The following SOCS4 variants were observed in gnomAD, a reference collection of about 807,000 sequenced individuals.
SOCS4 encodes the protein suppressor of cytokine signaling 4.
SOCS4 carries 20 observed loss-of-function variants against 34.1 expected under a neutral mutation model. The observed-to-expected ratio is 0.59, with a 90% CI of 0.41 to 0.85. SOCS4 has a LOEUF of 0.85. SOCS4 is among the 40% of genes least tolerant of loss of function. SOCS4 has a pLI of 0.00. For synonymous variants in SOCS4, 180 were observed against 186.4 expected (o/e 0.97, Z 0.28); for missense variants, 479 against 532.4 (o/e 0.90, Z 0.99).
At position 55,045,558 on chromosome 14, in the gene SOCS4, A is replaced by C. The variant is rs899357789; in HGVS notation, c.*1194A>C. The stretch of plus-strand genomic sequence containing the variant: ...TTGACAGCTACATGACTTACACCAT[A>C]CAGAACAGTACTGGACAAAAGGGGT... On this transcript the variant is annotated 3_prime_UTR_variant, in exon 3 of 3. Transcript: ENST00000555846. 6.0e-6 allele frequency: 1 copy of C among 166,914 alleles called. No homozygotes were observed. The highest frequency in any genetic ancestry group is 1.5e-5 in the Non-Finnish European group (1 of 68,034). The allele number at this position is 166,914 out of a possible 1,614,324, so 10.3% of individuals were successfully genotyped here.
chr14:55,047,418 A>T lies in SOCS4; in HGVS notation c.*3054A>T. The T allele has an allele frequency of 6.0e-6, 1 of 167,186 alleles. No individual in the cohort carries two copies. The allele number at this position is 167,186 out of a possible 1,614,324, so 10.4% of individuals were successfully genotyped here. A position where few individuals can be genotyped will look rare whatever the true frequency, so the allele number is the denominator to read the frequency against. On this transcript the variant is annotated 3_prime_UTR_variant, in exon 3 of 3. Transcript: ENST00000555846. ...TGAAGTATGCTGAATGGACTTTTTA[A>T]GGTTCCTTTAGCATTTTTGTATAGA...
chr14:55,040,821 A>G (rs572727023), intron 2 of SOCS4, among the ~76,000 whole-genome samples: 16 of 151,830 alleles, frequency 1.1e-4, no homozygotes, highest in East Asian at 1.9e-4. Context: ...TCAATCTACA[A>G]TTGGTTGAAT....
At position 55,043,032 on chromosome 14, in the gene SOCS4, A is replaced by G. The variant is rs769448050; in HGVS notation, c.-10A>G. Reference sequence around the variant, plus strand: ...TATTTATAACATTAGAATCTGGATAATTTGTTAACATGGCAGAAAATAATG... The same window carrying G: ...TATTTATAACATTAGAATCTGGATAGTTTGTTAACATGGCAGAAAATAATG... On this transcript the variant is annotated 5_prime_UTR_variant, in exon 3 of 3. Coordinates refer to ENST00000555846, the MANE Select transcript of SOCS4 (RefSeq NM_199421.2). 3.1e-6 allele frequency: 5 copies of G among 1,592,446 alleles called. No homozygotes were observed. Among genetic ancestry groups the G allele is most frequent in the South Asian group, 1.1e-5 (1 of 88,622 alleles).
intron 2 of SOCS4, among the ~76,000 whole-genome samples, chr14:55,038,434 T>G (rs2042591300): frequency 6.6e-6 from 1 of 152,172 alleles, no homozygotes; most frequent in Non-Finnish European, 1.5e-5. Flanking sequence ...TTCTAGCTTT[T>G]TATTGGAGGA....
At chr14:55,037,117 C>T (rs2042578807) in intron 2 of SOCS4, among the ~76,000 whole-genome samples, 1 of 146,978 alleles carries the variant, frequency 6.8e-6, no homozygotes, top group South Asian at 2.2e-4. Context: ...GACCCTTTCT[C>T]AATAAAAAAA....
intron 2 of SOCS4, among the ~76,000 whole-genome samples, chr14:55,039,295 T>C (rs2042597658): frequency 6.6e-6 from 1 of 152,032 alleles, no homozygotes; most frequent in Non-Finnish European, 1.5e-5. Context: ...AAAATTAGTC[T>C]GGCATGGTGG....
At chr14:55,036,797 A>G (rs2042575948) in intron 2 of SOCS4, among the ~76,000 whole-genome samples, 1 of 152,096 alleles carries the variant, frequency 6.6e-6, no homozygotes, top group Non-Finnish European at 1.5e-5. Context: ...GTTCCTAAGC[A>G]TACCCACGAA....
intron 2 of SOCS4, among the ~76,000 whole-genome samples, chr14:55,034,066 G>A (rs1458208322): frequency 6.6e-6 from 1 of 152,148 alleles, no homozygotes; most frequent in African/African-American, 2.4e-5. Context: ...CCTGGGAGGT[G>A]GAGGTGCAGT....
chr14:55,041,827 T>C (rs2042622170), intron 2 of SOCS4, among the ~76,000 whole-genome samples: 1 of 138,604 alleles, frequency 7.2e-6, no homozygotes, highest in Non-Finnish European at 1.5e-5. Context: ...AGTCTCGCTC[T>C]GTCCCCCAGG....
intron 2 of SOCS4, among the ~76,000 whole-genome samples, chr14:55,033,964 T>C (rs1250877940): frequency 1.3e-5 from 2 of 152,174 alleles, no homozygotes; most frequent in Non-Finnish European, 2.9e-5. Flanking sequence ...TGAAACCCTG[T>C]CTCTACTAAA....
In SOCS4 at chr14:55,043,804, A is replaced by G. The variant is rs760383721; in HGVS notation, c.763A>G (p.Ile255Val). ...ACCCAAATGGGATTTGGATGATGAAATCCTGCAGTTGGAAACACCTCCTAA... is the reference window on the plus strand; with the variant it reads ...ACCCAAATGGGATTTGGATGATGAAGTCCTGCAGTTGGAAACACCTCCTAA... Reference protein sequence around the residue: ...NKPKWDLDDEILQLETPPKYH... With the variant: ...NKPKWDLDDEVLQLETPPKYH... The change falls in exon 3 of 3, where the codon ATC becomes GTC. Residue 255 changes from isoleucine (I) to valine (V), a missense_variant. Coordinates refer to ENST00000555846, the MANE Select transcript of SOCS4 (RefSeq NM_199421.2). The G allele has an allele frequency of 6.2e-7, 1 of 1,614,126 alleles. No homozygotes were observed. Among genetic ancestry groups the G allele is most frequent in the Non-Finnish European group, 8.5e-7 (1 of 1,180,006 alleles).
intron 2 of SOCS4, among the ~76,000 whole-genome samples, chr14:55,033,554 A>G (rs1186125776): frequency 1.3e-5 from 2 of 152,224 alleles, no homozygotes; most frequent in Non-Finnish European, 2.9e-5. Context: ...CCGAAAAGTG[A>G]ATGATTAAAT....
At chr14:55,036,903 C>T (rs947344242) in intron 2 of SOCS4, among the ~76,000 whole-genome samples, 2 of 151,706 alleles carry the variant, frequency 1.3e-5, no homozygotes, top group Non-Finnish European at 2.9e-5. Context: ...TCACTTGAGC[C>T]CAGGAGTTCA....
intron 2 of SOCS4, among the ~76,000 whole-genome samples, chr14:55,036,017 GTCT>G (rs1358994173): frequency 6.6e-6 from 1 of 152,088 alleles, no homozygotes; most frequent in South Asian, 2.1e-4. Context: ...AAAGTCACAT[GTCT>G]TCTTATGGAC....
At position 55,044,610 on chromosome 14, in the gene SOCS4, T is replaced by TTA. The variant is rs1271610471; in HGVS notation, c.*247_*248dup. ...TGTTTTTACCGTGTAGGTTGTATAC[T>TTA]TACATTTTTTCTTTCCTTAATTTAT... On this transcript the variant is annotated 3_prime_UTR_variant, in exon 3 of 3. Transcript: ENST00000555846. 1 of 206,314 alleles carries TTA rather than the reference T, an allele frequency of 4.8e-6. No individual in the cohort carries two copies. Among genetic ancestry groups the TTA allele is most frequent in the East Asian group, 1.2e-4 (1 of 8,628 alleles). 12.8% of individuals were successfully genotyped at this position (206,314 alleles called of 1,614,324 possible). A position where few individuals can be genotyped will look rare whatever the true frequency, so the allele number is the denominator to read the frequency against.
chr14:55,033,834 T>G (rs1247478622), intron 2 of SOCS4, among the ~76,000 whole-genome samples: 1 of 152,204 alleles, frequency 6.6e-6, no homozygotes, highest in Non-Finnish European at 1.5e-5. Context: ...AATATTCTAG[T>G]AAGATATAAA....
chr14:55,028,434 C>A (rs1054441638), intron 1 of SOCS4, among the ~76,000 whole-genome samples: 2 of 151,320 alleles, frequency 1.3e-5, no homozygotes, highest in Admixed American at 1.3e-4. Context: ...TTTTGGAGAT[C>A]ATTTGTTTTT....
At position 55,043,036 on chromosome 14, in the gene SOCS4, G is replaced by A. The variant is rs2042633243; in HGVS notation, c.-6G>A. 1 of 1,595,112 alleles carries A rather than the reference G, an allele frequency of 6.3e-7. No individual in the cohort carries two copies. The highest frequency in any genetic ancestry group is 1.4e-5 in the African/African-American group (1 of 73,608). ...TATAACATTAGAATCTGGATAATTT[G>A]TTAACATGGCAGAAAATAATGAAAA... is the stretch of plus-strand genomic sequence containing the variant. On this transcript the variant is annotated 5_prime_UTR_variant, in exon 3 of 3. Coordinates refer to ENST00000555846, the MANE Select transcript of SOCS4 (RefSeq NM_199421.2).
chr14:55,049,205 A>G lies in SOCS4; in HGVS notation c.*4841A>G, dbSNP rs1479952898. Reference sequence around the variant, plus strand: ...TCAGACTTGAGAGCCATGGTGTAAAACTCAAGGAGGTTTATTTAAATTATG... The same window carrying G: ...TCAGACTTGAGAGCCATGGTGTAAAGCTCAAGGAGGTTTATTTAAATTATG... On this transcript the variant is annotated 3_prime_UTR_variant, in exon 3 of 3. Transcript: ENST00000555846. 1.8e-5 allele frequency: 3 copies of G among 167,034 alleles called. No individual in the cohort carries two copies. In the Admixed American group the frequency reaches 2.0e-4, roughly 11 times the overall value. The allele number at this position is 167,034 out of a possible 1,614,324, so 10.3% of individuals were successfully genotyped here.
Sources: allele counts gnomAD v4.1 joint callset (sites outside exome capture counted in the v4.1 genomes callset), GRCh38; gene constraint gnomAD v4.1.1; transcripts MANE v1.5; gene names NCBI Gene and HGNC (gene_info 2026-07-23, HGNC 2026-07-21).